The following RIMOC1 variants were observed in gnomAD, a reference collection of about 807,000 sequenced individuals.
RIMOC1 encodes the protein RAB7A-interacting MON1-CCZ1 complex subunit 1.
chr5:41,905,629 T>C, the RIMOC1 span, among the ~76,000 whole-genome samples: 1 of 152,270 alleles, frequency 6.6e-6, no homozygotes, highest in African/African-American at 2.4e-5. Context: ...TTTTGGTCTG[T>C]GGATTCACAT....
chr5:41,918,042 A>T, the RIMOC1 span: 2 of 985,592 alleles, frequency 2.0e-6, no homozygotes, highest in Non-Finnish European at 2.4e-6. Flanking sequence ...TAACATACTG[A>T]AATTTTAATG....
At chr5:41,910,706 A>G in the RIMOC1 span, among the ~76,000 whole-genome samples, 1 of 152,164 alleles carries the variant, frequency 6.6e-6, no homozygotes, top group African/African-American at 2.4e-5. Flanking sequence ...GTAGAAATAG[A>G]TATGATCTCA....
chr5:41,913,392 C>A, the RIMOC1 span, among the ~76,000 whole-genome samples: 1 of 152,188 alleles, frequency 6.6e-6, no homozygotes, highest in African/African-American at 2.4e-5. Flanking sequence ...CCACAAGCGT[C>A]TGTGTACTTG....
the RIMOC1 span, among the ~76,000 whole-genome samples, chr5:41,914,872 T>C: frequency 6.6e-6 from 1 of 152,192 alleles, no homozygotes; most frequent in Non-Finnish European, 1.5e-5. Context: ...TACTCCTAAG[T>C]CCTAATTTGA....
At chr5:41,912,293 C>CA in the RIMOC1 span, 6 of 649,054 alleles carry the variant, frequency 9.2e-6, no homozygotes, top group Non-Finnish European at 2.7e-6. Context: ...AGATTATAGA[C>CA]AAAAAAGTAA....
the RIMOC1 span, among the ~76,000 whole-genome samples, chr5:41,905,459 C>T: frequency 2.6e-3 from 393 of 152,290 alleles, 3 homozygotes; most frequent in African/African-American, 8.8e-3. Flanking sequence ...TTTGTAGAAA[C>T]GGGGTTCACC....
chr5:41,920,559 G>A, the RIMOC1 span: 1 of 152,088 alleles, frequency 6.6e-6, no homozygotes, highest in Admixed American at 6.5e-5. Context: ...AATGTATAGA[G>A]AGTGTCAAGT....
the RIMOC1 span, among the ~76,000 whole-genome samples, chr5:41,906,720 A>G: frequency 6.6e-6 from 1 of 152,256 alleles, no homozygotes; most frequent in Non-Finnish European, 1.5e-5. Context: ...GACTTAAGGC[A>G]GCAGTCACAT....
At chr5:41,914,456 C>CAAACCA in the RIMOC1 span, among the ~76,000 whole-genome samples, 2 of 146,488 alleles carry the variant, frequency 1.4e-5, no homozygotes, top group African/African-American at 2.5e-5. Flanking sequence ...GACTCTGTCT[C>CAAACCA]AAACAAAACA....
the RIMOC1 span, chr5:41,920,923 T>C: frequency 3.9e-5 from 6 of 152,342 alleles, no homozygotes; most frequent in African/African-American, 1.4e-4. Context: ...AATTCTCTCA[T>C]GGTTACCAAA....
chr5:41,917,176 A>T, the RIMOC1 span: 10 of 1,613,768 alleles, frequency 6.2e-6, no homozygotes, highest in Non-Finnish European at 8.5e-6. Flanking sequence ...TGGATTTCCG[A>T]GAAGTAGGAG....
chr5:41,917,186 G>A, the RIMOC1 span: 2 of 1,613,788 alleles, frequency 1.2e-6, no homozygotes, highest in South Asian at 2.2e-5. Context: ...AGAAGTAGGA[G>A]AAAAAATCTT....
At chr5:41,920,082 G>T in the RIMOC1 span, 1 of 152,088 alleles carries the variant, frequency 6.6e-6, no homozygotes, top group Non-Finnish European at 1.5e-5. Context: ...CATCCTGAGA[G>T]GAGTAAAGTG....
the RIMOC1 span, chr5:41,908,366 C>G: frequency 6.6e-6 from 1 of 152,488 alleles, no homozygotes; most frequent in Non-Finnish European, 1.5e-5. Flanking sequence ...CTGAGGCATG[C>G]TAACATCAAG....
At chr5:41,910,552 A>C in the RIMOC1 span, among the ~76,000 whole-genome samples, 1 of 151,940 alleles carries the variant, frequency 6.6e-6, no homozygotes, top group African/African-American at 2.4e-5. Flanking sequence ...CTGACTGTTT[A>C]CTTAGATATA....
chr5:41,917,754 G>A, the RIMOC1 span: 4 of 929,684 alleles, frequency 4.3e-6, no homozygotes, highest in South Asian at 2.0e-4. Context: ...TATAAATGTA[G>A]GCAAAATGAA....
the RIMOC1 span, chr5:41,909,691 GTTTT>G: frequency 1.6e-5 from 20 of 1,270,072 alleles, no homozygotes; most frequent in Non-Finnish European, 2.0e-5. Flanking sequence ...TGTAAGAATT[GTTTT>G]TTTTCAATTT....
At chr5:41,907,698 A>G in the RIMOC1 span, 1 of 1,303,388 alleles carries the variant, frequency 7.7e-7, no homozygotes, top group Non-Finnish European at 1.1e-6. Context: ...ACACTCTGAA[A>G]CTAGGTGAAG....
At chr5:41,916,401 A>G in the RIMOC1 span, 1 of 925,350 alleles carries the variant, frequency 1.1e-6, no homozygotes, top group South Asian at 5.0e-5. Flanking sequence ...AAGAAGAAAG[A>G]GTTCAACTTT....
Sources: gnomAD v4.1 joint callset for allele counts (sites outside exome capture counted in the v4.1 genomes callset) on GRCh38, gnomAD v4.1.1 for gene constraint, MANE v1.5 for transcripts, NCBI Gene and HGNC (gene_info 2026-07-23, HGNC 2026-07-21) for gene names.